ACACA: variants seen among roughly 807,000 people sequenced by gnomAD.
ACACA encodes acetyl-CoA carboxylase 1.
In ACACA, 103 loss-of-function variants were observed where a neutral mutation model predicts 296.1. The ratio of observed to expected loss-of-function variants is 0.35; its 90% confidence interval spans 0.30 to 0.41. ACACA has a LOEUF of 0.41. Among genes scored for constraint, ACACA ranks in the 10% least tolerant of loss-of-function variants. The pLI is 1.00. For synonymous variants in ACACA, 953 were observed against 1,038.6 expected, an observed-to-expected ratio of 0.92 and a Z score of 1.58; for missense variants, 1,554 against 2,989.7, an observed-to-expected ratio of 0.52 and a Z score of 11.20.
chr17:37,383,866 A>C (rs1279846763), intron 1 of ACACA, among the ~76,000 whole-genome samples: 1 of 152,168 alleles, frequency 6.6e-6, no homozygotes, highest in Non-Finnish European at 1.5e-5. Flanking sequence ...CAACCAATTT[A>C]TGTATGAACT....
At chr17:37,191,042 G>C in intron 38 of ACACA, 78 bp downstream of exon 38, 1 of 1,540,194 alleles carries the variant, frequency 6.5e-7, no homozygotes, top group South Asian at 1.1e-5. Flanking sequence ...CTGTTTCCAA[G>C]TCCAAGTGAG....
chr17:37,316,858 A>G (rs1239509710), intron 3 of ACACA, among the ~76,000 whole-genome samples: 1 of 152,156 alleles, frequency 6.6e-6, no homozygotes. Flanking sequence ...AGATCACCTA[A>G]GGTCCAGAGT....
At chr17:37,222,107 C>G in intron 28 of ACACA, 1 of 500,054 alleles carries the variant, frequency 2.0e-6, no homozygotes, top group Non-Finnish European at 3.6e-6. Context: ...CCACACTAAC[C>G]TAAACCCTGG....
At chr17:37,117,901 G>A (rs561079712) in intron 50 of ACACA, among the ~76,000 whole-genome samples, 1 of 151,850 alleles carries the variant, frequency 6.6e-6, no homozygotes, top group Admixed American at 6.6e-5. Context: ...CAGTGCAGTC[G>A]GCTCCTGGCT....
At chr17:37,388,539 C>A in intron 1 of ACACA, 1 of 1,064,018 alleles carries the variant, frequency 9.4e-7, no homozygotes, top group East Asian at 2.6e-5. Context: ...ATTGGAAATT[C>A]TGCCTCTGCC....
intron 3 of ACACA, among the ~76,000 whole-genome samples, chr17:37,307,617 C>T (rs906893745): frequency 3.3e-5 from 5 of 151,974 alleles, no homozygotes; most frequent in African/African-American, 1.2e-4. Flanking sequence ...GTTTTTGAGA[C>T]AGAGTCTCGC....
intron 1 of ACACA, among the ~76,000 whole-genome samples, chr17:37,372,026 C>T (rs1381249971): frequency 2.0e-5 from 3 of 152,030 alleles, no homozygotes; most frequent in Admixed American, 6.6e-5. Context: ...AGACCAGCTT[C>T]GGCAACATAC....
intron 29 of ACACA, among the ~76,000 whole-genome samples, chr17:37,214,785 G>C (rs528833249): frequency 6.6e-6 from 1 of 152,286 alleles, no homozygotes; most frequent in Non-Finnish European, 1.5e-5. Context: ...CTGAATGAAG[G>C]AAGCAAGCAC....
intron 10 of ACACA, among the ~76,000 whole-genome samples, chr17:37,264,924 T>A (rs1224813123): frequency 2.0e-5 from 3 of 152,170 alleles, no homozygotes; most frequent in African/African-American, 7.2e-5. Flanking sequence ...TATCATCATC[T>A]GGTAGCTTGA....
At chr17:37,235,167 T>C (rs2080050883) in intron 24 of ACACA, 68 bp from the exon 25 acceptor site, 1 of 1,577,836 alleles carries the variant, frequency 6.3e-7, no homozygotes, top group Non-Finnish European at 8.7e-7. Flanking sequence ...CTATTTGTTT[T>C]GTACTGTCTA....
intron 38 of ACACA, 49 bp from the exon 39 acceptor site, chr17:37,188,529 A>T: frequency 3.1e-6 from 5 of 1,597,096 alleles, no homozygotes; most frequent in Non-Finnish European, 4.3e-6. Context: ...CTTCTAACTA[A>T]GACCTGTTTC....
At chr17:37,137,828 G>A (rs2075395518) in intron 45 of ACACA, among the ~76,000 whole-genome samples, 1 of 152,158 alleles carries the variant, frequency 6.6e-6, no homozygotes, top group Non-Finnish European at 1.5e-5. Context: ...CTTCTGAGCT[G>A]CATAAACCTG....
intron 16 of ACACA, 39 bp from the exon 17 acceptor site, chr17:37,248,713 T>G: frequency 7.2e-7 from 1 of 1,391,590 alleles, no homozygotes; most frequent in Non-Finnish European, 1.0e-6. Context: ...TACAAAGTTC[T>G]AACAGTTATA....
chr17:37,120,707 T>C (rs2074486784), intron 50 of ACACA, among the ~76,000 whole-genome samples: 1 of 152,196 alleles, frequency 6.6e-6, no homozygotes, highest in South Asian at 2.1e-4. Flanking sequence ...GCTTCACTAC[T>C]GTAAGAGGTA....
chr17:37,369,359 G>A (rs369805056), intron 1 of ACACA: 9 of 152,184 alleles, frequency 5.9e-5, no homozygotes, highest in East Asian at 1.9e-4. Context: ...AGCTGGGCAA[G>A]TGATACACGC....
At chr17:37,093,577 AACC>A (rs1002138204) in intron 54 of ACACA, among the ~76,000 whole-genome samples, 15 of 152,182 alleles carry the variant, frequency 9.9e-5, no homozygotes, top group African/African-American at 3.6e-4. Context: ...AGCTCACTAT[AACC>A]TCAAATTCCT....
In ACACA at chr17:37,089,830, G is replaced by C. The variant is rs142911252; in HGVS notation, c.6892-756C>G. 7.1e-3 allele frequency among the ~76,000 whole-genome samples: 1,087 copies of C among 152,280 alleles called. 15 individuals are homozygous for C. Among genetic ancestry groups the C allele is most frequent in the African/African-American group, 0.025 (1,027 of 41,542 alleles). On this transcript the variant is annotated intron_variant, in intron 54 of 55. Coordinates refer to ENST00000616317, the MANE Select transcript of ACACA (RefSeq NM_198834.3). ...TCAGGAGTGTGTTAGAAGCCTAATAGCCTTCTCCTTGCTCTCTTCTCCTCT... is the reference window on the plus strand; with the variant it reads ...TCAGGAGTGTGTTAGAAGCCTAATACCCTTCTCCTTGCTCTCTTCTCCTCT...
intron 3 of ACACA, among the ~76,000 whole-genome samples, chr17:37,303,455 A>G (rs2083725025): frequency 6.6e-6 from 1 of 152,178 alleles, no homozygotes; most frequent in Admixed American, 6.5e-5. Flanking sequence ...ATGAACATTC[A>G]TGTATAAACT....
intron 42 of ACACA, among the ~76,000 whole-genome samples, chr17:37,159,623 G>A (rs1214834068): frequency 6.6e-6 from 1 of 152,036 alleles, no homozygotes; most frequent in Non-Finnish European, 1.5e-5. Flanking sequence ...CCCCTGTACT[G>A]GATCAATTCC....
Sources: allele counts gnomAD v4.1 joint callset (sites outside exome capture counted in the v4.1 genomes callset), GRCh38; gene constraint gnomAD v4.1.1; transcripts MANE v1.5; gene names NCBI Gene and HGNC (gene_info 2026-07-23, HGNC 2026-07-21).